Variants in CNBD1 observed in about 807,000 individuals in gnomAD.
CNBD1 encodes the protein cyclic nucleotide-binding domain-containing protein 1.
A neutral mutation model predicts 54.4 loss-of-function variants in CNBD1; 71 were observed. The ratio of observed to expected loss-of-function variants is 1.30; its 90% CI spans 1.08 to 1.59. The LOEUF (loss-of-function observed/expected upper bound fraction) is 1.59. CNBD1 is among the 40% of genes most tolerant of loss of function. The pLI, the probability that CNBD1 is intolerant of heterozygous loss-of-function variation, is 0.00. For synonymous variants in CNBD1, 182 were observed against 170.7 expected (o/e 1.07, Z -0.51); for missense variants, 659 against 518.0 (o/e 1.27, Z -2.64).
At chr8:87,127,854 G>A (rs1178611129) in intron 4 of CNBD1, among the ~76,000 whole-genome samples, 1 of 152,024 alleles carries the variant, frequency 6.6e-6, no homozygotes, top group Non-Finnish European at 1.5e-5. Context: ...TTAAATCCTG[G>A]AAACCCACAG....
intron 8 of CNBD1, among the ~76,000 whole-genome samples, chr8:87,327,793 G>A (rs10113020): frequency 0.39 from 58,539 of 151,888 alleles, 11,547 homozygotes; most frequent in Middle Eastern, 0.46. Context: ...GCTGTAGACC[G>A]GAGCTGTTCC....
chr8:86,934,982 TG>T (rs1252453903), intron 3 of CNBD1, among the ~76,000 whole-genome samples: 1 of 152,128 alleles, frequency 6.6e-6, no homozygotes, highest in East Asian at 1.9e-4. Flanking sequence ...ATATGACTTT[TG>T]TATTTTTCTG....
chr8:87,190,448 T>C (rs991526804), intron 4 of CNBD1, among the ~76,000 whole-genome samples: 6 of 152,176 alleles, frequency 3.9e-5, no homozygotes, highest in Non-Finnish European at 8.8e-5. Context: ...TTCAAGCTCA[T>C]AATTTTACCA....
At chr8:86,905,228 G>A (rs1213116428) in intron 3 of CNBD1, 34 bp downstream of exon 3, 2 of 1,205,770 alleles carry the variant, frequency 1.7e-6, no homozygotes, top group African/African-American at 3.0e-5. Context: ...CAAGGTTGAT[G>A]GGTGTGTATG....
At chr8:86,899,744 A>C (rs768426831) in intron 2 of CNBD1, among the ~76,000 whole-genome samples, 25 of 152,166 alleles carry the variant, frequency 1.6e-4, no homozygotes, top group Non-Finnish European at 3.4e-4. Context: ...ATTAACATGT[A>C]ATAGTAACAT....
At chr8:87,097,533 T>C (rs1266197069) in intron 4 of CNBD1, among the ~76,000 whole-genome samples, 1 of 152,232 alleles carries the variant, frequency 6.6e-6, no homozygotes, top group Non-Finnish European at 1.5e-5. Context: ...GAAATAATTA[T>C]AGCCTTCACA....
At chr8:87,331,174 C>G (rs1295728176) in intron 8 of CNBD1, among the ~76,000 whole-genome samples, 3 of 152,086 alleles carry the variant, frequency 2.0e-5, no homozygotes, top group African/African-American at 7.2e-5. Context: ...GATTTTAAGT[C>G]CGACATGCAT....
intron 4 of CNBD1, among the ~76,000 whole-genome samples, chr8:87,133,955 C>T (rs968346312): frequency 6.6e-6 from 1 of 152,108 alleles, no homozygotes; most frequent in African/African-American, 2.4e-5. Context: ...CTCAAAATTG[C>T]TGTCTAATAA....
chr8:87,116,352 C>A lies in CNBD1; in HGVS notation c.432-89641C>A, dbSNP rs571269909. 1.5e-4 allele frequency among the ~76,000 whole-genome samples: 23 copies of A among 151,848 alleles called. No homozygotes were observed. The South Asian group carries it at 4.4e-3, about 29-fold the overall frequency. ...GACTAGCTGGGACTACAGGCATGCACCACCACACCTGGCTAATTTTTGTGG... is the reference window on the plus strand; with the variant it reads ...GACTAGCTGGGACTACAGGCATGCAACACCACACCTGGCTAATTTTTGTGG... On this transcript the variant is annotated intron_variant, in intron 4 of 10. Transcript: ENST00000518476.
chr8:87,114,885 AT>A (rs1671575116), intron 4 of CNBD1, among the ~76,000 whole-genome samples: 1 of 152,168 alleles, frequency 6.6e-6, no homozygotes, highest in Non-Finnish European at 1.5e-5. Context: ...CATGATTCCT[AT>A]TGTTAACTAC....
chr8:87,183,385 GT>G (rs3056356), intron 4 of CNBD1, among the ~76,000 whole-genome samples: 32,861 of 116,490 alleles, frequency 0.28, 3,347 homozygotes, highest in South Asian at 0.35. Flanking sequence ...TGCGCTGTTT[GT>G]TTTTTTTTTT....
At chr8:86,889,700 A>C (rs1452055053) in intron 2 of CNBD1, among the ~76,000 whole-genome samples, 1 of 152,096 alleles carries the variant, frequency 6.6e-6, no homozygotes, top group East Asian at 1.9e-4. Flanking sequence ...TGGATTTCTA[A>C]ATTTTTGAGT....
At chr8:86,907,690 C>A (rs965716871) in intron 3 of CNBD1, among the ~76,000 whole-genome samples, 88 of 148,322 alleles carry the variant, frequency 5.9e-4, no homozygotes, top group Non-Finnish European at 9.1e-4. Context: ...AACAAAAAAA[C>A]AAAAAAAAAC....
intron 4 of CNBD1, among the ~76,000 whole-genome samples, chr8:87,159,785 A>T (rs912767310): frequency 6.6e-6 from 1 of 152,126 alleles, no homozygotes; most frequent in Non-Finnish European, 1.5e-5. Flanking sequence ...TCTGCTTCCA[A>T]AATTGCTTGT....
intron 5 of CNBD1, among the ~76,000 whole-genome samples, chr8:87,233,382 AG>A (rs1436658198): frequency 9.9e-5 from 15 of 152,198 alleles, no homozygotes; most frequent in African/African-American, 3.4e-4. Flanking sequence ...TGAGTCACAC[AG>A]ATTTTTTGGT....
chr8:86,957,752 C>G (rs1439621959), intron 4 of CNBD1, among the ~76,000 whole-genome samples: 2 of 152,026 alleles, frequency 1.3e-5, no homozygotes, highest in Admixed American at 1.3e-4. Context: ...AGCAGTCTAT[C>G]AATTTTGTTG....
intron 8 of CNBD1, among the ~76,000 whole-genome samples, chr8:87,336,862 C>A (rs1481150646): frequency 6.6e-6 from 1 of 152,048 alleles, no homozygotes; most frequent in African/African-American, 2.4e-5. Context: ...AGCTACTGAC[C>A]CTTGGATGAG....
intron 3 of CNBD1, among the ~76,000 whole-genome samples, chr8:86,937,718 C>T (rs1037105657): frequency 1.1e-4 from 14 of 133,116 alleles, no homozygotes; most frequent in African/African-American, 3.2e-4. Context: ...AGGCTCTGGG[C>T]GAGACCCATG....
intron 5 of CNBD1, 55 bp from the exon 6 acceptor site, chr8:87,236,864 C>A: frequency 2.0e-6 from 2 of 1,008,076 alleles, no homozygotes; most frequent in Non-Finnish European, 1.5e-6. Context: ...TTAGTCATAT[C>A]TATATCAAGG....
Sources: gnomAD v4.1 joint callset for allele counts (sites outside exome capture counted in the v4.1 genomes callset) on GRCh38, gnomAD v4.1.1 for gene constraint, MANE v1.5 for transcripts, NCBI Gene and HGNC (gene_info 2026-07-23, HGNC 2026-07-21) for gene names.